Variants in MYRIP observed in about 807,000 individuals in gnomAD.
MYRIP encodes rab effector MyRIP.
A neutral mutation model predicts 98.0 loss-of-function variants in MYRIP; 49 were observed. The ratio of observed to expected loss-of-function variants is 0.50; its 90% CI spans 0.40 to 0.63. MYRIP has a LOEUF of 0.63. Ranked by LOEUF, MYRIP falls within the 30% of genes least tolerant of loss-of-function variation. The pLI is 0.00. For missense variants in MYRIP, 1,004 were observed against 1,058.2 expected, an observed-to-expected ratio of 0.95 and a Z score of 0.71; for synonymous variants, 404 against 409.5, an observed-to-expected ratio of 0.99 and a Z score of 0.16.
rs1228202477 is a variant in MYRIP, at chr3:40,239,171, T to C, written c.2100+5118T>C. ...GAATATGCAGTGTTTGGTTTTTTGTTCTTGCCATAGTTTACTGAGAATGAT... is the reference window on the plus strand; with the variant it reads ...GAATATGCAGTGTTTGGTTTTTTGTCCTTGCCATAGTTTACTGAGAATGAT... On this transcript the variant is annotated intron_variant, in intron 12 of 16. Coordinates refer to ENST00000302541, the MANE Select transcript of MYRIP (RefSeq NM_015460.4). 5.3e-5 allele frequency among the ~76,000 whole-genome samples: 8 copies of C among 151,610 alleles called. No individual in the cohort carries two copies. The East Asian group carries it at 1.6e-3, about 30-fold the overall frequency.
At chr3:40,043,883 G>C (rs1051415543) in intron 2 of MYRIP, among the ~76,000 whole-genome samples, 167 bp from the exon 3 acceptor site, 8 of 152,122 alleles carry the variant, frequency 5.3e-5, no homozygotes, top group African/African-American at 1.4e-4. Context: ...TTCTTCTCTG[G>C]ACATAATGTT....
At chr3:39,817,536 A>T (rs1940960424) in intron 1 of MYRIP, among the ~76,000 whole-genome samples, 1 of 152,204 alleles carries the variant, frequency 6.6e-6, no homozygotes, top group Non-Finnish European at 1.5e-5. Flanking sequence ...AACATTTTTT[A>T]AAATGGTGGA....
intron 1 of MYRIP, among the ~76,000 whole-genome samples, chr3:39,811,806 C>A (rs73071076): frequency 0.018 from 2,709 of 152,000 alleles, 32 homozygotes; most frequent in Middle Eastern, 0.041. Context: ...AGTTATCCGG[C>A]TGCAGAATTT....
At chr3:39,966,549 G>T (rs1376928836) in intron 2 of MYRIP, among the ~76,000 whole-genome samples, 2 of 152,058 alleles carry the variant, frequency 1.3e-5, no homozygotes, top group Admixed American at 1.3e-4. Flanking sequence ...CAAAAGTTTT[G>T]TTTAAAAAGG....
chr3:39,882,605 G>A (rs1427237592), intron 1 of MYRIP, among the ~76,000 whole-genome samples: 1 of 152,074 alleles, frequency 6.6e-6, no homozygotes, highest in African/African-American at 2.4e-5. Context: ...GTCTTTGGAG[G>A]CAGTTAAGCT....
chr3:39,900,304 A>G (rs1430047842), intron 1 of MYRIP, among the ~76,000 whole-genome samples: 1 of 151,972 alleles, frequency 6.6e-6, no homozygotes, highest in East Asian at 1.9e-4. Context: ...CATATGGTTA[A>G]AACTTTAAGG....
chr3:40,190,819 C>G (rs1475735599), intron 10 of MYRIP, among the ~76,000 whole-genome samples: 2 of 152,196 alleles, frequency 1.3e-5, no homozygotes, highest in Admixed American at 1.3e-4. Context: ...CTACTGTGCA[C>G]TCAAGTTTGA....
intron 3 of MYRIP, among the ~76,000 whole-genome samples, chr3:40,051,703 C>G (rs1947798786): frequency 6.6e-6 from 1 of 152,102 alleles, no homozygotes; most frequent in South Asian, 2.1e-4. Flanking sequence ...CAAAACACAG[C>G]TCATTAAGCT....
chr3:40,035,427 C>G (rs1224883264), intron 2 of MYRIP, among the ~76,000 whole-genome samples: 1 of 151,812 alleles, frequency 6.6e-6, no homozygotes, highest in African/African-American at 2.4e-5. Flanking sequence ...AAAAGGTGCA[C>G]TGACATAAAA....
intron 1 of MYRIP, among the ~76,000 whole-genome samples, chr3:39,886,679 A>G (rs1943312492): frequency 6.6e-6 from 1 of 151,956 alleles, no homozygotes; most frequent in South Asian, 2.1e-4. Context: ...GAGCATCCAG[A>G]TTCATAAAGC....
intron 3 of MYRIP, among the ~76,000 whole-genome samples, chr3:40,102,154 T>C (rs1310528154): frequency 1.3e-5 from 2 of 152,204 alleles, no homozygotes; most frequent in Admixed American, 1.3e-4. Context: ...GCCCCTGCCC[T>C]TGATGTGCCT....
chr3:39,935,686 C>T (rs1489396165), intron 2 of MYRIP, among the ~76,000 whole-genome samples: 1 of 152,058 alleles, frequency 6.6e-6, no homozygotes, highest in Non-Finnish European at 1.5e-5. Context: ...ATATGCTTTA[C>T]AGTCAATGCA....
At chr3:40,017,843 G>T (rs72871412) in intron 2 of MYRIP, among the ~76,000 whole-genome samples, 2,835 of 152,034 alleles carry the variant, frequency 0.019, 72 homozygotes, top group African/African-American at 0.058. Flanking sequence ...AGTTTAGCAG[G>T]TTAAATGTAT....
chr3:39,925,911 C>T (rs1944413217), intron 2 of MYRIP, among the ~76,000 whole-genome samples: 1 of 152,066 alleles, frequency 6.6e-6, no homozygotes, highest in Non-Finnish European at 1.5e-5. Context: ...CTCCAAACTA[C>T]TTTCCACAGT....
intron 10 of MYRIP, among the ~76,000 whole-genome samples, chr3:40,199,135 A>G (rs1951481890): frequency 6.6e-6 from 1 of 152,144 alleles, no homozygotes; most frequent in South Asian, 2.1e-4. Flanking sequence ...AGAACAATAA[A>G]TCCATTCCTT....
intron 3 of MYRIP, among the ~76,000 whole-genome samples, chr3:40,147,269 C>T (rs78347653): frequency 0.028 from 4,211 of 152,088 alleles, 190 homozygotes; most frequent in East Asian, 0.24. Flanking sequence ...GTATATATAC[C>T]TTACACAGTC....
At chr3:39,980,566 A>G (rs1030449419) in intron 2 of MYRIP, among the ~76,000 whole-genome samples, 1 of 152,178 alleles carries the variant, frequency 6.6e-6, no homozygotes, top group African/African-American at 2.4e-5. Flanking sequence ...TCAGACCCAA[A>G]TGCCTGAAAA....
intron 1 of MYRIP, among the ~76,000 whole-genome samples, chr3:39,810,939 C>T (rs1940665052): frequency 6.6e-6 from 1 of 152,192 alleles, no homozygotes; most frequent in Admixed American, 6.5e-5. Flanking sequence ...CCATGCTCTC[C>T]ATCTCCCCGA....
intron 1 of MYRIP, among the ~76,000 whole-genome samples, chr3:39,896,471 C>T (rs576303047): frequency 9.8e-5 from 15 of 152,332 alleles, no homozygotes; most frequent in African/African-American, 3.4e-4. Context: ...AAGCACATCT[C>T]TCATTATTAG....
Sources: allele counts gnomAD v4.1 joint callset (sites outside exome capture counted in the v4.1 genomes callset), GRCh38; gene constraint gnomAD v4.1.1; transcripts MANE v1.5; gene names NCBI Gene and HGNC (gene_info 2026-07-23, HGNC 2026-07-21).